The following SENP6 variants were observed in gnomAD, a reference collection of about 807,000 sequenced individuals.
SENP6 encodes the protein sentrin-specific protease 6.
Under a neutral mutation model 134.5 loss-of-function variants are expected in SENP6, and 41 were observed. The observed-to-expected ratio is 0.30, with a 90% confidence interval of 0.24 to 0.40. The LOEUF (loss-of-function observed/expected upper bound fraction) is 0.40, where lower values mean the gene tolerates loss of function less well. Ranked by LOEUF, SENP6 falls within the 10% of genes least tolerant of loss-of-function variation. SENP6 has a pLI of 1.00. For missense variants in SENP6, 1,248 were observed against 1,312.5 expected (o/e 0.95, Z 0.76); for synonymous variants, 395 against 429.8 (o/e 0.92, Z 1.00).
chr6:75,638,022 A>T (rs911887485), intron 5 of SENP6, among the ~76,000 whole-genome samples: 18 of 151,796 alleles, frequency 1.2e-4, no homozygotes, highest in African/African-American at 3.6e-4. Context: ...CCCAGCTAAT[A>T]TTTGTGTGTG....
chr6:75,690,450 T>C (rs1774160587), intron 16 of SENP6, among the ~76,000 whole-genome samples: 1 of 152,200 alleles, frequency 6.6e-6, no homozygotes, highest in Non-Finnish European at 1.5e-5. Flanking sequence ...GTCACAAAAG[T>C]ATGATTTCTG....
chr6:75,609,534 A>G (rs907858231), intron 1 of SENP6, among the ~76,000 whole-genome samples: 1 of 152,162 alleles, frequency 6.6e-6, no homozygotes, highest in Admixed American at 6.5e-5. Context: ...TCTTTAATCT[A>G]TACAGCCATC....
intron 4 of SENP6, 90 bp from the exon 5 acceptor site, chr6:75,634,617 T>C (rs2149838385): frequency 1.6e-6 from 1 of 641,520 alleles, no homozygotes; most frequent in Non-Finnish European, 2.5e-6. Context: ...AAGGTTTTTG[T>C]GTGTTTGTTC....
chr6:75,640,667 C>G lies in SENP6; in HGVS notation c.459-17C>G, dbSNP rs774838446. On this transcript the variant is annotated splice_polypyrimidine_tract_variant and intron_variant, in intron 5 of 23. Transcript: ENST00000447266. The stretch of plus-strand genomic sequence containing the variant: ...AGGTCTTGCCTCTTATATTTTTTTT[C>G]TTTTTCATGTTTTAAGCAGTCTGGA... The G allele has an allele frequency of 2.7e-6, 4 of 1,506,424 alleles. No homozygotes were observed. In the South Asian group the frequency reaches 5.6e-5, roughly 21 times the overall value. 93.3% of individuals were successfully genotyped at this position (1,506,424 alleles called of 1,614,324 possible). A position where few individuals can be genotyped will look rare whatever the true frequency, so the allele number is the denominator to read the frequency against.
intron 2 of SENP6, chr6:75,622,917 CT>C: frequency 1.3e-6 from 1 of 751,728 alleles, no homozygotes; most frequent in Non-Finnish European, 1.9e-6. Context: ...TTCTTTTATA[CT>C]TTTTCTGATT....
chr6:75,666,182 T>C (rs1772215312), intron 9 of SENP6, among the ~76,000 whole-genome samples: 1 of 86,668 alleles, frequency 1.2e-5, no homozygotes, highest in Non-Finnish European at 3.7e-5. Context: ...AACGTATATA[T>C]GATATATATA....
chr6:75,705,749 T>A (rs1775349425), intron 19 of SENP6, among the ~76,000 whole-genome samples: 1 of 151,702 alleles, frequency 6.6e-6, no homozygotes, highest in Non-Finnish European at 1.5e-5. Flanking sequence ...TCTTTTTTTT[T>A]AACACCTTGC....
intron 4 of SENP6, among the ~76,000 whole-genome samples, chr6:75,634,251 G>C (rs1300205563): frequency 6.6e-6 from 1 of 152,120 alleles, no homozygotes; most frequent in East Asian, 1.9e-4. Context: ...TTTCAAGTCA[G>C]TGGCAAAATC....
rs557724793 is a variant in SENP6 at position 75,643,871 on chromosome 6, C to G, written c.479+3167C>G. 3.9e-5 allele frequency among the ~76,000 whole-genome samples: 6 copies of G among 152,164 alleles called. No individual in the cohort carries two copies. The East Asian group carries it at 1.2e-3, about 29-fold the overall frequency. ...CATAGAAATGTATGTATTTGGCCAT[C>G]TTTTATAATAATGGAAAAATTAATA... On this transcript the variant is annotated intron_variant, in intron 6 of 23. Transcript: ENST00000447266.
At position 75,606,296 on chromosome 6, in the gene SENP6, C is replaced by T. The variant is rs373338643; in HGVS notation, c.52+3720C>T. 3.3e-5 allele frequency among the ~76,000 whole-genome samples: 5 copies of T among 152,278 alleles called. No individual in the cohort carries two copies. In the South Asian group the frequency reaches 8.3e-4, roughly 25 times the overall value. On this transcript the variant is annotated intron_variant, in intron 1 of 23. Transcript: ENST00000447266. ...AAATTGTATGGATTTCATTAAGCCACAGCTTGTGTTAAAATTTTCTACTCT... is the reference window on the plus strand; with the variant it reads ...AAATTGTATGGATTTCATTAAGCCATAGCTTGTGTTAAAATTTTCTACTCT...
chr6:75,666,580 G>A (rs546330023), intron 9 of SENP6, 132 bp from the exon 10 acceptor site: 264 of 315,878 alleles, frequency 8.4e-4, no homozygotes, highest in African/African-American at 4.1e-3. Context: ...TTTTAGATCT[G>A]GAGGAGGTCC....
intron 16 of SENP6, among the ~76,000 whole-genome samples, chr6:75,687,000 T>C (rs902143388): frequency 3.3e-5 from 5 of 152,240 alleles, no homozygotes; most frequent in Admixed American, 2.6e-4. Context: ...TTTTCCAACT[T>C]GGTTCCATTC....
At position 75,663,372 on chromosome 6, in the gene SENP6, T is replaced by C. The variant is rs1361014262; in HGVS notation, c.848T>C (p.Val283Ala). ...TTTTATGGCAACAATGTGGAAAAGG[T>C]TCCAATTGATATTATTGTGAATTGT... ...KKFYGNNVEK[V>A]PIDIIVNCDD... Residue 283 changes from valine (V) to alanine (A), a missense_variant, in exon 9 of 24, where the codon GTT becomes GCT. This residue lies in a region of SENP6 where 733 missense variants were observed against 725.4 expected (regional missense o/e 1.01). Coordinates refer to ENST00000447266, the MANE Select transcript of SENP6 (RefSeq NM_015571.4). 1 of 1,613,806 alleles carries C rather than the reference T, an allele frequency of 6.2e-7. No homozygotes were observed. The highest frequency in any genetic ancestry group is 8.5e-7 in the Non-Finnish European group (1 of 1,179,858).
At chr6:75,691,858 T>G (rs1250821460) in intron 16 of SENP6, among the ~76,000 whole-genome samples, 1 of 151,932 alleles carries the variant, frequency 6.6e-6, no homozygotes, top group African/African-American at 2.4e-5. Context: ...CCTCCCATTG[T>G]TTTTTGGTTT....
At chr6:75,686,295 A>G (rs1391351729) in intron 16 of SENP6, among the ~76,000 whole-genome samples, 2 of 152,038 alleles carry the variant, frequency 1.3e-5, no homozygotes, top group Admixed American at 6.6e-5. Flanking sequence ...GTCTCTCTGC[A>G]TGTGAGATGG....
chr6:75,691,670 G>C (rs1194692919), intron 16 of SENP6, among the ~76,000 whole-genome samples: 1 of 151,758 alleles, frequency 6.6e-6, no homozygotes, highest in East Asian at 1.9e-4. Context: ...CGCGATCTCA[G>C]CTCACTGCAA....
chr6:75,622,822 T>TG, intron 2 of SENP6: 7 of 1,288,534 alleles, frequency 5.4e-6, no homozygotes, highest in Non-Finnish European at 6.1e-6. Flanking sequence ...GATGAGATGT[T>TG]GATTTGAAGT....
rs866775170 is a variant in SENP6 at position 75,692,884 on chromosome 6, C to T, written c.2076-2920C>T. On this transcript the variant is annotated intron_variant, in intron 16 of 23. Transcript: ENST00000447266. ...TTCGAGATCAGCCTGGACAACATGG[C>T]GAAACCCCATGTTTACCCCCACCAA... Among the ~76,000 whole-genome samples the T allele has an allele frequency of 2.6e-5, 4 of 151,886 alleles. No homozygotes were observed. In the South Asian group the frequency reaches 8.3e-4, roughly 32 times the overall value.
At chr6:75,664,445 A>G (rs1034766481) in intron 9 of SENP6, among the ~76,000 whole-genome samples, 1 of 152,106 alleles carries the variant, frequency 6.6e-6, no homozygotes, top group Admixed American at 6.5e-5. Context: ...TGTGCTAAGC[A>G]TTTTACATAC....
Sources: allele counts gnomAD v4.1 joint callset (sites outside exome capture counted in the v4.1 genomes callset), GRCh38; gene constraint gnomAD v4.1.1; regional missense constraint gnomAD v4.1.1; transcripts MANE v1.5; gene names NCBI Gene and HGNC (gene_info 2026-07-23, HGNC 2026-07-21).